Variants in LAMB2 observed in about 807,000 individuals in gnomAD.
LAMB2 encodes the protein laminin subunit beta-2.
LAMB2 carries 119 observed loss-of-function variants against 202.7 expected under a neutral mutation model. That is an observed-to-expected ratio of 0.59 (90% CI 0.51 to 0.68). The LOEUF is 0.68. LAMB2 is among the 30% of genes least tolerant of loss of function. The pLI, the probability that LAMB2 is intolerant of heterozygous loss-of-function variation, is 0.00. For missense variants in LAMB2, 2,124 were observed against 2,410.6 expected (o/e 0.88, Z 2.49); for synonymous variants, 818 against 902.2 (o/e 0.91, Z 1.67).
chr3:49,122,635 A>G (rs767221095), intron 27 of LAMB2, 69 bp downstream of exon 27: 1 of 1,299,434 alleles, frequency 7.7e-7, no homozygotes, highest in Non-Finnish European at 1.1e-6. Context: ...GTATGAACCA[A>G]GGGAGATACA....
At position 49,129,979 on chromosome 3, in the gene LAMB2, C is replaced by G; in HGVS notation, c.1265G>C (p.Arg422Pro). Residue 422 changes from arginine to proline, a missense_variant, in exon 10 of 32, where the codon CGC becomes CCC. Transcript: ENST00000305544. The surrounding 1 kb of genome is among the most constrained non-coding windows in gnomAD (Gnocchi z 6.1). ...CDPMGSQDGG[R>P]CDSHDDPALG... ...TGCAGGGTCATCATGGGAATCACAG[C>G]GACCACCGTCTTGAGAACCCATGGG... is the stretch of plus-strand genomic sequence containing the variant. 1 of 1,614,036 alleles carries G rather than the reference C, an allele frequency of 6.2e-7. No homozygotes were observed. Among genetic ancestry groups the G allele is most frequent in the Non-Finnish European group, 8.5e-7 (1 of 1,180,018 alleles).
rs2045485696 is a variant in LAMB2, at chr3:49,131,851, C to T, written c.460-128G>A. ...AGAGAGTGGGGGTGACTGGTGGAAG[C>T]CAGATAATGACCAGCAAAGGTAGCC... On this transcript the variant is annotated intron_variant, in intron 4 of 31. Coordinates refer to ENST00000305544, the MANE Select transcript of LAMB2 (RefSeq NM_002292.4). The surrounding 1 kb of genome is among the most constrained non-coding windows in gnomAD (Gnocchi z 5.0). 2 of 1,069,752 alleles carry T rather than the reference C, an allele frequency of 1.9e-6. No homozygotes were observed. Among genetic ancestry groups the T allele is most frequent in the South Asian group, 1.4e-5 (1 of 73,810 alleles). The allele number at this position is 1,069,752 out of a possible 1,614,324, so 66.3% of individuals were successfully genotyped here. A position where few individuals can be genotyped will look rare whatever the true frequency, so the allele number is the denominator to read the frequency against.
intron 15 of LAMB2, among the ~76,000 whole-genome samples, chr3:49,127,794 G>A (rs1164835220): frequency 1.3e-5 from 2 of 151,462 alleles, no homozygotes; most frequent in Non-Finnish European, 2.9e-5. Flanking sequence ...GCCAAGGCGG[G>A]CAGATCACAA....
rs767485612 is a variant in LAMB2, at chr3:49,122,899, G to A, written c.4378C>T (p.Gln1460Ter). ...GCCAGTGCCCGCTGCAGCTCTGCCT[G>A]TGTGTGCCGGGCCCGGCCCAGTGCT... ...DLALGRARHT[Q>*]AELQRALAEG... The change falls in exon 27 of 32, where the codon CAG becomes TAG. Residue 1460 changes from glutamine (Q) to a stop codon, truncating the protein, a stop_gained. Transcript: ENST00000305544. LOFTEE classifies it high-confidence loss of function. The A allele has an allele frequency of 1.9e-6, 3 of 1,609,814 alleles. No individual in the cohort carries two copies. Among genetic ancestry groups the A allele is most frequent in the Non-Finnish European group, 1.7e-6 (2 of 1,179,996 alleles).
chr3:49,129,590 C>A lies in LAMB2; in HGVS notation c.1518+14G>T. On this transcript the variant is annotated intron_variant, in intron 11 of 31. Transcript: ENST00000305544. The surrounding 1 kb of genome is among the most constrained non-coding windows in gnomAD (Gnocchi z 6.1). ...AAATCATGCCCCTAGAACTCCAGCC[C>A]CTTCCAGTCGCACCAGGCAGCGGTC... is the stretch of plus-strand genomic sequence containing the variant. The A allele has an allele frequency of 6.3e-7, 1 of 1,597,800 alleles. No individual in the cohort carries two copies. Among genetic ancestry groups the A allele is most frequent in the Non-Finnish European group, 8.6e-7 (1 of 1,165,416 alleles).
In LAMB2 at chr3:49,126,004, G is replaced by A. The variant is rs147076626; in HGVS notation, c.2307C>T (p.Leu769=). Residue 769 remains leucine (L), a synonymous_variant, in exon 17 of 32, where the codon CTC becomes CTT. Transcript: ENST00000305544. ...TGTAGATGAGGGTGGACAGGCTGAT[G>A]AGGAGGGGTGCGCAGGCCTCAGAGG... ...TSPSEACAPL[L]ISLSTLIYNG... 5,651 of 1,614,188 alleles carry A rather than the reference G, an allele frequency of 3.5e-3. 24 individuals are homozygous for A. The highest frequency in any genetic ancestry group is 8.4e-3 in the Middle Eastern group (51 of 6,060).
intron 26 of LAMB2, 37 bp downstream of exon 26, chr3:49,123,095 C>G (rs772592586): frequency 2.5e-6 from 4 of 1,607,358 alleles, no homozygotes; most frequent in Non-Finnish European, 3.4e-6. Context: ...AGAGGAACAT[C>G]TACACCCACC....
Position 49,124,755 on chromosome 3 carries a change from A to AGT in LAMB2, c.3053_3054dup (p.Cys1019ThrfsTer133). On this transcript the variant is annotated frameshift_variant, in exon 21 of 32. Transcript: ENST00000305544. LOFTEE classifies it high-confidence loss of function. ...TGGAAGCCAGGCTTGCAGTGGGCAC[A>AGT]GTGTGGACCCTCTGTGTGGTGTAAA... 1 of 1,614,190 alleles carries AGT rather than the reference A, an allele frequency of 6.2e-7. No individual in the cohort carries two copies.
chr3:49,123,486 C>T lies in LAMB2; in HGVS notation c.3943G>A (p.Asp1315Asn), dbSNP rs764917826. ...TGTTTGAGCAAGTCAAGATGCTGGT[C>T]GAGCTGCCGCAGTGTGAGATTAAGT... The part of the protein sequence containing the change: ...LALNLTLRQL[D>N]QHLDLLKHSN... Residue 1315 changes from aspartate (D) to asparagine (N), a missense_variant, in exon 25 of 32, where the codon GAC (aspartate) becomes AAC (asparagine). Transcript: ENST00000305544. 4 of 1,614,156 alleles carry T rather than the reference C, an allele frequency of 2.5e-6. No homozygotes were observed. In the East Asian group the frequency reaches 6.7e-5, roughly 27 times the overall value.
rs547577165 is a variant in LAMB2 at position 49,121,115 on chromosome 3, G to C, written c.*111C>G. The stretch of plus-strand genomic sequence containing the variant: ...CAAATCAGAGTCCAGACAACACAGT[G>C]GGGGTTCACACTGGTTTATTGGGGG... On this transcript the variant is annotated 3_prime_UTR_variant, in exon 32 of 32. Transcript: ENST00000305544. The C allele has an allele frequency of 7.7e-7, 1 of 1,304,466 alleles. No individual in the cohort carries two copies. The highest frequency in any genetic ancestry group is 2.4e-5 in the East Asian group (1 of 41,592). 80.8% of individuals were successfully genotyped at this position (1,304,466 alleles called of 1,614,324 possible).
chr3:49,126,365 C>A lies in LAMB2; in HGVS notation c.2151G>T (p.Ser717=). 6.2e-7 allele frequency: 1 copy of A among 1,614,170 alleles called. No homozygotes were observed. Among genetic ancestry groups the A allele is most frequent in the Non-Finnish European group, 8.5e-7 (1 of 1,180,026 alleles). ...GTGTGGGCAAGAGGAGATTATTCAC[C>A]GAGTCAATGAGCAGGCCAGGTCCAG... ...PYSGPGLLID[S]LVLLPRVLVL... The change falls in exon 16 of 32, where the codon TCG becomes TCT. Residue 717 remains serine (S), a splice_region_variant and synonymous_variant. Coordinates refer to ENST00000305544, the MANE Select transcript of LAMB2 (RefSeq NM_002292.4).
rs201625807 is a variant in LAMB2 at position 49,126,463 on chromosome 3, G to A, written c.2053C>T (p.Pro685Ser). ...LIFPNPVCLE[P>S]GISYKLHLKL... is the part of the protein sequence containing the mutation. ...AGATGCAGCTTGTAGGAGATACCAGGCTCAAGGCAGACAGGATTAGGAAAT... is the reference window on the plus strand; with the variant it reads ...AGATGCAGCTTGTAGGAGATACCAGACTCAAGGCAGACAGGATTAGGAAAT... The change falls in exon 16 of 32, where the codon CCT (proline) becomes TCT (serine). Residue 685 changes from proline to serine, a missense_variant. By Grantham distance (74) the Pro-to-Ser change is moderately conservative. Around this residue, in one of 3 missense-constraint regions of LAMB2, gnomAD observed 1,702 missense variants for 1,896.3 expected, o/e 0.90. Coordinates refer to ENST00000305544, the MANE Select transcript of LAMB2 (RefSeq NM_002292.4). 1.2e-6 allele frequency: 2 copies of A among 1,614,158 alleles called. No individual in the cohort carries two copies. Among genetic ancestry groups the A allele is most frequent in the East Asian group, 2.2e-5 (1 of 44,892 alleles).
chr3:49,124,844 C>A lies in LAMB2; in HGVS notation c.2966G>T (p.Ser989Ile). 1 of 1,614,156 alleles carries A rather than the reference C, an allele frequency of 6.2e-7. No individual in the cohort carries two copies. Among genetic ancestry groups the A allele is most frequent in the Non-Finnish European group, 8.5e-7 (1 of 1,180,034 alleles). The part of the protein sequence containing the change: ...PGGRCQLCEC[S>I]GNIDPMDPDA... ...AGGATCCATTGGGTCAATGTTCCCA[C>A]TGCACTCACACAGTTGGCACCGGCC... The change falls in exon 21 of 32, where the codon AGT becomes ATT. Residue 989 changes from serine to isoleucine, a missense_variant. Physicochemically the swap from Ser to Ile is moderately radical, Grantham distance 142. Transcript: ENST00000305544.
chr3:49,129,626 C>T lies in LAMB2; in HGVS notation c.1496G>A (p.Gly499Glu). ...CACCAGGCAGCGGTCACATCCACGT[C>T]CAGTCACTAGACGTTTGCAGTAACA... ...GSCYCKRLVT[G>E]RGCDRCLPGH... The change falls in exon 11 of 32, where the codon GGA becomes GAA. Residue 499 changes from glycine (G) to glutamate (E), a missense_variant. This residue lies in a region of LAMB2 where 1,702 missense variants were observed against 1,896.3 expected (regional missense o/e 0.90). Coordinates refer to ENST00000305544, the MANE Select transcript of LAMB2 (RefSeq NM_002292.4). This position sits in a 1 kb window ranked among gnomAD's most constrained non-coding sequence, Gnocchi z 6.1. The T allele has an allele frequency of 6.2e-7, 1 of 1,614,064 alleles. No homozygotes were observed. Among genetic ancestry groups the T allele is most frequent in the Non-Finnish European group, 8.5e-7 (1 of 1,179,912 alleles).
rs374456454 is a variant in LAMB2, at chr3:49,129,368, C to T, written c.1519-44G>A. On this transcript the variant is annotated intron_variant, in intron 11 of 31. Coordinates refer to ENST00000305544, the MANE Select transcript of LAMB2 (RefSeq NM_002292.4). This position sits in a 1 kb window ranked among gnomAD's most constrained non-coding sequence, Gnocchi z 6.1. The stretch of plus-strand genomic sequence containing the variant: ...TGGGGGCCAGAAACAGACCTCCAGA[C>T]CCCATCACCACCCAGCAGGAAATCC... The T allele has an allele frequency of 2.6e-6, 4 of 1,534,918 alleles. No homozygotes were observed. The African/African-American group carries it at 4.1e-5, about 16-fold the overall frequency.
At position 49,121,174 on chromosome 3, in the gene LAMB2, C is replaced by CA; in HGVS notation, c.*51dup. 6.2e-7 allele frequency: 1 copy of CA among 1,607,778 alleles called. No individual in the cohort carries two copies. Among genetic ancestry groups the CA allele is most frequent in the East Asian group, 2.2e-5 (1 of 44,860 alleles). On this transcript the variant is annotated 3_prime_UTR_variant, in exon 32 of 32. Transcript: ENST00000305544. ...GGCCAAGAGCTCTTCAGTGCATAGG[C>CA]AGACATGCATGTGGGGCAGTGCTAG...
In LAMB2 at chr3:49,123,499, T is replaced by C. The variant is rs1190966266; in HGVS notation, c.3930A>G (p.Thr1310=). The change falls in exon 25 of 32, where the codon ACA becomes ACG. Residue 1310 remains threonine (T), a synonymous_variant. Coordinates refer to ENST00000305544, the MANE Select transcript of LAMB2 (RefSeq NM_002292.4). ...LERDRLALNL[T]LRQLDQHLDL... is the part of the protein sequence containing the mutation. ...CAAGATGCTGGTCGAGCTGCCGCAG[T>C]GTGAGATTAAGTGCAAGCCTATCTC... 2.5e-6 allele frequency: 4 copies of C among 1,614,072 alleles called. No homozygotes were observed. The East Asian group carries it at 6.7e-5, about 27-fold the overall frequency.
At position 49,131,316 on chromosome 3, in the gene LAMB2, G is replaced by C. The variant is rs2045478940; in HGVS notation, c.712+63C>G. The C allele has an allele frequency of 2.5e-6, 4 of 1,573,770 alleles. No individual in the cohort carries two copies. The highest frequency in any genetic ancestry group is 3.5e-6 in the Non-Finnish European group (4 of 1,146,060). ...CTAGGAAGCACCCAAAATAGTTACT[G>C]AGGCCCCAAATAGTCCCTAGCCGGA... is the stretch of plus-strand genomic sequence containing the variant. On this transcript the variant is annotated intron_variant, in intron 6 of 31. Coordinates refer to ENST00000305544, the MANE Select transcript of LAMB2 (RefSeq NM_002292.4). This position sits in a 1 kb window ranked among gnomAD's most constrained non-coding sequence, Gnocchi z 5.0.
Position 49,130,768 on chromosome 3 carries a change from AG to A in LAMB2, c.1007del (p.Ala336ValfsTer34). 6.2e-7 allele frequency: 1 copy of A among 1,614,174 alleles called. No homozygotes were observed. Among genetic ancestry groups the A allele is most frequent in the South Asian group, 1.1e-5 (1 of 91,090 alleles). On this transcript the variant is annotated frameshift_variant, in exon 8 of 32. Transcript: ENST00000305544. LOFTEE classifies it high-confidence loss of function. The surrounding 1 kb of genome is among the most constrained non-coding windows in gnomAD (Gnocchi z 5.0). ...TACAGGCATGACTATGGCCGTCCTC[AG>A]CCGGACGCCAGGGCAGGTCACGATA... ...DFYRDLPWRP[A>X]EDGHSHACRK...
Sources: gnomAD v4.1 joint callset for allele counts (sites outside exome capture counted in the v4.1 genomes callset) on GRCh38, gnomAD v4.1.1 for gene constraint, gnomAD v4.1.1 regional missense constraint, Gnocchi (gnomAD v3.1) non-coding constraint, MANE v1.5 for transcripts, NCBI Gene and HGNC (gene_info 2026-07-23, HGNC 2026-07-21) for gene names.